DSE: variants seen among roughly 807,000 people sequenced by gnomAD.
DSE encodes the protein dermatan sulfate epimerase.
In DSE, 36 loss-of-function variants were observed where a neutral mutation model predicts 84.4. That is an observed-to-expected ratio of 0.43 (90% CI 0.33 to 0.56). The LOEUF is 0.56. Ranked by LOEUF, DSE falls within the 20% of genes least tolerant of loss-of-function variation. DSE has a pLI of 0.06. For missense variants in DSE, 862 were observed against 1,169.6 expected, an observed-to-expected ratio of 0.74 and a Z score of 3.84; for synonymous variants, 410 against 430.1, an observed-to-expected ratio of 0.95 and a Z score of 0.58.
At chr6:116,294,603 C>G (rs1774538371) in intron 2 of DSE, among the ~76,000 whole-genome samples, 1 of 152,064 alleles carries the variant, frequency 6.6e-6, no homozygotes, top group Non-Finnish European at 1.5e-5. Flanking sequence ...CACAAGAACT[C>G]TTGGAATGAA....
At chr6:116,397,331 C>T (rs955302690) in intron 1 of DSE, among the ~76,000 whole-genome samples, 15 of 144,326 alleles carry the variant, frequency 1.0e-4, no homozygotes, top group Admixed American at 1.4e-4. Flanking sequence ...CTCAACCTCC[C>T]GAGTAGATGG....
chr6:116,255,315 A>G (rs1179800502), intron 1 of DSE: 5 of 152,252 alleles, frequency 3.3e-5, no homozygotes, highest in African/African-American at 4.8e-5. Flanking sequence ...GGAATACATC[A>G]TATATACTGA....
chr6:116,333,434 C>G (rs1194340816), intron 2 of DSE, among the ~76,000 whole-genome samples: 1 of 152,184 alleles, frequency 6.6e-6, no homozygotes, highest in Non-Finnish European at 1.5e-5. Flanking sequence ...AGATAACTCA[C>G]TTCTGTGATA....
intron 2 of DSE, among the ~76,000 whole-genome samples, chr6:116,286,139 C>G (rs1773888525): frequency 1.3e-5 from 2 of 152,108 alleles, no homozygotes; most frequent in African/African-American, 4.8e-5. Context: ...GATATTGATT[C>G]TTTCTATCCA....
chr6:116,316,799 TTTC>T (rs886298064), intron 2 of DSE, among the ~76,000 whole-genome samples: 1 of 143,440 alleles, frequency 7.0e-6, no homozygotes, highest in Non-Finnish European at 1.5e-5. Context: ...TTTTTGCTTA[TTTC>T]TTCTTCTACT....
chr6:116,408,572 G>T (rs1188668028), intron 2 of DSE, among the ~76,000 whole-genome samples: 1 of 152,196 alleles, frequency 6.6e-6, no homozygotes, highest in Admixed American at 6.5e-5. Context: ...TACTGTGGCT[G>T]CTCCTACTTA....
chr6:116,358,042 G>A (rs916256613), intron 2 of DSE, among the ~76,000 whole-genome samples: 1 of 152,286 alleles, frequency 6.6e-6, no homozygotes, highest in Non-Finnish European at 1.5e-5. Flanking sequence ...CTTAGAACAG[G>A]TCACAGAAAT....
rs754514077 is a variant in DSE, at chr6:116,431,109, G to A, written c.826G>A (p.Val276Ile). Residue 276 changes from valine to isoleucine, a missense_variant, in exon 4 of 6, where the codon GTC becomes ATC. Around this residue, in one of 4 missense-constraint regions of DSE, gnomAD observed 309 missense variants for 516.9 expected, o/e 0.60. Transcript: ENST00000644252. The part of the protein sequence containing the change: ...TRSLFQYMFL[V>I]QRHFNINHFG... ...ATCACTCTTCCAATACATGTTTCTC[G>A]TCCAGAGGCACTTCAACATCAACCA... 2.3e-5 allele frequency: 37 copies of A among 1,613,988 alleles called. No individual in the cohort carries two copies. Among genetic ancestry groups the A allele is most frequent in the Non-Finnish European group, 2.9e-5 (34 of 1,180,022 alleles).
chr6:116,436,565 G>T lies in DSE; in HGVS notation c.2097G>T (p.Trp699Cys). Residue 699 changes from tryptophan (W) to cysteine (C), a missense_variant, in exon 6 of 6, where the codon TGG becomes TGT. Transcript: ENST00000644252. ...AACATGCCTACGCCACATACCTGTG[G>T]ACAGGTGAGGCCACAGGACAGTCTG... The part of the protein sequence containing the change: ...TSKHAYATYL[W>C]TGEATGQSAF... 6.2e-7 allele frequency: 1 copy of T among 1,614,152 alleles called. No individual in the cohort carries two copies. The highest frequency in any genetic ancestry group is 8.5e-7 in the Non-Finnish European group (1 of 1,180,026).
At chr6:116,348,206 T>C (rs1220062649) in intron 2 of DSE, among the ~76,000 whole-genome samples, 2 of 151,892 alleles carry the variant, frequency 1.3e-5, no homozygotes, top group Non-Finnish European at 2.9e-5. Flanking sequence ...AGCGGGTGGA[T>C]TGTGAGGTCA....
intron 2 of DSE, among the ~76,000 whole-genome samples, chr6:116,362,835 G>C (rs1013457058): frequency 1.3e-5 from 2 of 152,126 alleles, no homozygotes; most frequent in African/African-American, 4.8e-5. Flanking sequence ...AAAGTTTCCT[G>C]GGTGGTCCTA....
At chr6:116,401,514 A>G (rs1781591104) in intron 2 of DSE, among the ~76,000 whole-genome samples, 1 of 152,136 alleles carries the variant, frequency 6.6e-6, no homozygotes, top group African/African-American at 2.4e-5. Context: ...TCTGGTTTCT[A>G]GTTGCAAAAG....
intron 2 of DSE, chr6:116,279,539 G>A (rs1273084049): frequency 6.2e-7 from 1 of 1,605,262 alleles, no homozygotes. Flanking sequence ...CCCTCTTCCT[G>A]CCCGGCTTTG....
chr6:116,373,729 C>G (rs990300316), intron 1 of DSE, among the ~76,000 whole-genome samples: 3 of 152,154 alleles, frequency 2.0e-5, no homozygotes, highest in African/African-American at 7.2e-5. Flanking sequence ...TTCCCAGTGC[C>G]TCGTTATAGT....
intron 2 of DSE, among the ~76,000 whole-genome samples, chr6:116,346,826 A>G (rs913956642): frequency 2.0e-5 from 3 of 152,352 alleles, no homozygotes; most frequent in Admixed American, 6.5e-5. Context: ...GAGGAAGTCA[A>G]ATTGTCCCTG....
At chr6:116,391,378 T>G (rs988671910) in intron 1 of DSE, among the ~76,000 whole-genome samples, 1 of 152,198 alleles carries the variant, frequency 6.6e-6, no homozygotes, top group Non-Finnish European at 1.5e-5. Flanking sequence ...CGTGTGCAAA[T>G]TCTTGGAGGT....
chr6:116,368,903 G>C (rs1268145992), upstream of DSE, among the ~76,000 whole-genome samples: 1 of 130,220 alleles, frequency 7.7e-6, no homozygotes, highest in African/African-American at 2.8e-5. Context: ...TAGCAGATCT[G>C]TTGAGACTTA....
intron 2 of DSE, among the ~76,000 whole-genome samples, chr6:116,336,837 T>C (rs976716603): frequency 2.0e-5 from 3 of 152,046 alleles, no homozygotes; most frequent in Non-Finnish European, 4.4e-5. Context: ...TATTTTAGGC[T>C]AGGTTCATAG....
intron 1 of DSE, among the ~76,000 whole-genome samples, chr6:116,385,202 A>G (rs867610641): frequency 1.2e-4 from 18 of 152,304 alleles, no homozygotes; most frequent in Middle Eastern, 3.4e-3. Context: ...GAGAGGCAGT[A>G]TGGCCAGGCT....
Sources: allele counts gnomAD v4.1 joint callset (sites outside exome capture counted in the v4.1 genomes callset), GRCh38; gene constraint gnomAD v4.1.1; regional missense constraint gnomAD v4.1.1; transcripts MANE v1.5; gene names NCBI Gene and HGNC (gene_info 2026-07-23, HGNC 2026-07-21).